The following KLHL1 variants were observed in gnomAD, a reference collection of about 807,000 sequenced individuals.
KLHL1 encodes the protein kelch like family member 1.
In KLHL1, 47 loss-of-function variants were observed where a neutral mutation model predicts 77.7. The ratio of observed to expected loss-of-function variants is 0.60; its 90% CI spans 0.48 to 0.77. The LOEUF (loss-of-function observed/expected upper bound fraction) is 0.77, where lower values mean the gene tolerates loss of function less well. Among genes scored for constraint, KLHL1 ranks in the 30% least tolerant of loss-of-function variants. The probability of loss-of-function intolerance (pLI) is 0.00; values close to 1 mark genes in which losing one functional copy is unlikely to be tolerated. For synonymous variants in KLHL1, 360 were observed against 325.2 expected (o/e 1.11, Z -1.15); for missense variants, 925 against 910.8 (o/e 1.02, Z -0.20).
At chr13:70,086,589 AAAAAGAAAGAAAGAAAGAAAGAAAG>A (rs1887544110) in intron 1 of KLHL1, among the ~76,000 whole-genome samples, 1 of 80,428 alleles carries the variant, frequency 1.2e-5, no homozygotes, top group African/African-American at 5.2e-5. Context: ...AAAAAAAAAA[AAAAAGAAAGAAAGAAAGAAAGAAAG>A]AAAGAAAGAA....
At chr13:69,704,079 A>T (rs1875521075) in intron 10 of KLHL1, among the ~76,000 whole-genome samples, 1 of 151,714 alleles carries the variant, frequency 6.6e-6, no homozygotes, top group African/African-American at 2.4e-5. Context: ...TGTGTACTGG[A>T]CTACATATAG....
intron 4 of KLHL1, among the ~76,000 whole-genome samples, chr13:69,922,513 G>A (rs1360600077): frequency 6.6e-6 from 1 of 152,272 alleles, no homozygotes; most frequent in Non-Finnish European, 1.5e-5. Context: ...AACTGCTTAA[G>A]ATGTTAAATT....
In KLHL1 at chr13:69,740,443, T is replaced by C. The variant is rs1280347002; in HGVS notation, c.1753A>G (p.Ser585Gly). Residue 585 changes from serine (S) to glycine (G), a missense_variant, in exon 8 of 11, where the codon AGT becomes GGT. Transcript: ENST00000377844. ...ACTGTGCTCCGAGCAATTGACATACTGGCTACAAATGTCCATTGTTGACTC... is the reference window on the plus strand; with the variant it reads ...ACTGTGCTCCGAGCAATTGACATACCGGCTACAAATGTCCATTGTTGACTC... ...PQSQQWTFVA[S>G]MSIARSTVGV... 1 of 1,611,698 alleles carries C rather than the reference T, an allele frequency of 6.2e-7. No individual in the cohort carries two copies. The highest frequency in any genetic ancestry group is 2.2e-5 in the East Asian group (1 of 44,820).
At chr13:70,010,790 G>T (rs534680929) in intron 1 of KLHL1, among the ~76,000 whole-genome samples, 2 of 152,064 alleles carry the variant, frequency 1.3e-5, no homozygotes, top group East Asian at 3.9e-4. Flanking sequence ...TACTAGGGAG[G>T]CTGAGGCAGG....
At chr13:70,073,522 C>T (rs183737581) in intron 1 of KLHL1, among the ~76,000 whole-genome samples, 3 of 150,814 alleles carry the variant, frequency 2.0e-5, no homozygotes, top group South Asian at 2.1e-4. Flanking sequence ...CAAGCCTGCA[C>T]GTTGTGCACA....
At chr13:69,983,258 A>G (rs956663322) in intron 1 of KLHL1, among the ~76,000 whole-genome samples, 5 of 152,174 alleles carry the variant, frequency 3.3e-5, no homozygotes, top group Non-Finnish European at 7.4e-5. Context: ...ATTTTTAAAA[A>G]TGCTCATACC....
intron 5 of KLHL1, among the ~76,000 whole-genome samples, chr13:69,864,638 A>G (rs1273012107): frequency 6.6e-6 from 1 of 152,158 alleles, no homozygotes; most frequent in African/African-American, 2.4e-5. Flanking sequence ...GGTAAAGACT[A>G]CTAATAAAGT....
intron 7 of KLHL1, among the ~76,000 whole-genome samples, chr13:69,788,839 A>C (rs1876705432): frequency 6.6e-6 from 1 of 152,152 alleles, no homozygotes; most frequent in African/African-American, 2.4e-5. Flanking sequence ...AAGATAGGTA[A>C]TCTTTAAATT....
At chr13:69,984,497 T>C (rs1453499703) in intron 1 of KLHL1, among the ~76,000 whole-genome samples, 1 of 151,946 alleles carries the variant, frequency 6.6e-6, no homozygotes, top group Non-Finnish European at 1.5e-5. Flanking sequence ...AAGATTAGGG[T>C]GGGGCAGCCA....
intron 1 of KLHL1, among the ~76,000 whole-genome samples, chr13:70,102,042 A>T (rs1887935324): frequency 6.6e-6 from 1 of 151,838 alleles, no homozygotes; most frequent in African/African-American, 2.4e-5. Context: ...GATGAATATT[A>T]TTTCACTTTA....
chr13:70,004,536 G>A (rs374277719), intron 1 of KLHL1, among the ~76,000 whole-genome samples: 2 of 151,526 alleles, frequency 1.3e-5, no homozygotes, highest in East Asian at 1.9e-4. Context: ...ACTAGTCCAC[G>A]TTTCCTTTTT....
intron 6 of KLHL1, among the ~76,000 whole-genome samples, chr13:69,813,764 A>C (rs569949240): frequency 6.6e-6 from 1 of 152,338 alleles, no homozygotes; most frequent in South Asian, 2.1e-4. Context: ...AAACAAATGT[A>C]AAAACATTCC....
intron 1 of KLHL1, among the ~76,000 whole-genome samples, chr13:69,989,353 C>CT (rs1464444060): frequency 7.9e-5 from 12 of 152,092 alleles, no homozygotes; most frequent in Admixed American, 3.3e-4. Flanking sequence ...GTTTTGCTTA[C>CT]TGTAGCATTG....
intron 6 of KLHL1, among the ~76,000 whole-genome samples, chr13:69,809,724 C>A (rs184083916): frequency 4.6e-5 from 7 of 151,908 alleles, no homozygotes; most frequent in Admixed American, 1.3e-4. Context: ...ACAGTCTAAA[C>A]ACTCGATTTA....
chr13:70,007,961 C>T (rs574281437), intron 1 of KLHL1, among the ~76,000 whole-genome samples: 2 of 151,942 alleles, frequency 1.3e-5, no homozygotes, highest in African/African-American at 4.8e-5. Context: ...CATTAGCTTA[C>T]ATATAAGATT....
intron 2 of KLHL1, among the ~76,000 whole-genome samples, chr13:69,970,916 A>G (rs1311630886): frequency 6.6e-6 from 1 of 152,050 alleles, no homozygotes; most frequent in African/African-American, 2.4e-5. Flanking sequence ...TTCATCCTTT[A>G]TGTTCATATA....
chr13:70,013,668 T>C (rs935130078), intron 1 of KLHL1, among the ~76,000 whole-genome samples: 2 of 152,328 alleles, frequency 1.3e-5, no homozygotes, highest in East Asian at 1.9e-4. Flanking sequence ...TTCAGTGTCA[T>C]ATTTGCATTT....
chr13:69,708,451 A>G (rs918373480), intron 9 of KLHL1, among the ~76,000 whole-genome samples: 1 of 151,952 alleles, frequency 6.6e-6, no homozygotes, highest in Non-Finnish European at 1.5e-5. Context: ...GTAGGAAGGT[A>G]CTTTCAGTTT....
intron 1 of KLHL1, among the ~76,000 whole-genome samples, chr13:70,023,839 T>C (rs1324997755): frequency 6.6e-6 from 1 of 151,952 alleles, no homozygotes; most frequent in African/African-American, 2.4e-5. Flanking sequence ...TTGGCAACTC[T>C]GTGGATAACT....
Sources: allele counts gnomAD v4.1 joint callset (sites outside exome capture counted in the v4.1 genomes callset), GRCh38; gene constraint gnomAD v4.1.1; transcripts MANE v1.5; gene names NCBI Gene and HGNC (gene_info 2026-07-23, HGNC 2026-07-21).